The following BTBD8 variants were observed in gnomAD, a reference collection of about 807,000 sequenced individuals.
BTBD8 encodes BTB/POZ domain-containing protein 8.
Under a neutral mutation model 162.9 loss-of-function variants are expected in BTBD8, and 110 were observed. The ratio of observed to expected loss-of-function variants is 0.68; its 90% CI spans 0.58 to 0.79. The LOEUF is 0.79. Among genes scored for constraint, BTBD8 ranks in the 30% least tolerant of loss-of-function variants. The probability of loss-of-function intolerance (pLI) is 0.00; values close to 1 mark genes in which losing one functional copy is unlikely to be tolerated. For missense variants in BTBD8, 1,905 were observed against 2,085.4 expected (o/e 0.91, Z 1.68); for synonymous variants, 667 against 716.1 (o/e 0.93, Z 1.10).
chr1:92,184,203 T>C lies in BTBD8; in HGVS notation c.5252T>C (p.Leu1751Ser), dbSNP rs992476525. ...CAGGGTATAACACATATTGACACTTTGAACAGATGGAGTGAACTAACATCT... is the reference window on the plus strand; with the variant it reads ...CAGGGTATAACACATATTGACACTTCGAACAGATGGAGTGAACTAACATCT... ...KPQGITHIDTLNRWSELTSPL... is the reference protein window; with the variant it reads ...KPQGITHIDTSNRWSELTSPL... Residue 1751 changes from leucine to serine, a missense_variant, in exon 18 of 18, where the codon TTG becomes TCG. Transcript: ENST00000636805. 1.3e-6 allele frequency: 2 copies of C among 1,551,598 alleles called. No homozygotes were observed. Among genetic ancestry groups the C allele is most frequent in the South Asian group, 2.4e-5 (2 of 84,062 alleles).
rs1439020960 is a variant in BTBD8 at position 92,126,407 on chromosome 1, G to C, written c.663-3280G>C. ...CTAGATTTGAATGTGCTCTTGCCCAGGCTCAGACCTCCTCAAACGAAACAT... is the reference window on the plus strand; with the variant it reads ...CTAGATTTGAATGTGCTCTTGCCCACGCTCAGACCTCCTCAAACGAAACAT... On this transcript the variant is annotated intron_variant, in intron 4 of 17. Transcript: ENST00000636805. The C allele has an allele frequency of 4.6e-6, 4 of 870,708 alleles. No homozygotes were observed. In the East Asian group the frequency reaches 1.6e-4, roughly 35 times the overall value. The allele number at this position is 870,708 out of a possible 1,614,324, so 53.9% of individuals were successfully genotyped here.
intron 1 of BTBD8, among the ~76,000 whole-genome samples, chr1:92,084,643 T>C (rs1648104982): frequency 6.6e-6 from 1 of 152,192 alleles, no homozygotes; most frequent in South Asian, 2.1e-4. Context: ...GTGGATATCT[T>C]GTCCAGCCTG....
intron 4 of BTBD8, among the ~76,000 whole-genome samples, chr1:92,117,351 A>G (rs991068566): frequency 1.5e-4 from 13 of 87,738 alleles, no homozygotes; most frequent in African/African-American, 5.3e-4. Context: ...AAGATTATTA[A>G]AGGTTTTTTT....
At chr1:92,150,923 C>T (rs980924187) in intron 9 of BTBD8, 3 of 152,060 alleles carry the variant, frequency 2.0e-5, no homozygotes, top group African/African-American at 7.2e-5. Context: ...CACGAACCTC[C>T]TATGTATATA....
rs758171559 is a variant in BTBD8, at chr1:92,147,216, C to T, written c.967C>T (p.Leu323=). The change falls in exon 8 of 18, where the codon CTG becomes TTG. Residue 323 remains leucine (L), a synonymous_variant. Transcript: ENST00000636805. ...AACATTGACGTCTATACTAGAATGCCTGATTATTGCTCATTCAGTTGGAGT... is the reference window on the plus strand; with the variant it reads ...AACATTGACGTCTATACTAGAATGCTTGATTATTGCTCATTCAGTTGGAGT... ...PRTLTSILEC[L]IIAHSVGVES... 7 of 1,611,796 alleles carry T rather than the reference C, an allele frequency of 4.3e-6. No individual in the cohort carries two copies. The highest frequency in any genetic ancestry group is 5.9e-6 in the Non-Finnish European group (7 of 1,178,926).
At chr1:92,120,823 C>G (rs892843034) in intron 4 of BTBD8, among the ~76,000 whole-genome samples, 1 of 152,168 alleles carries the variant, frequency 6.6e-6, no homozygotes, top group African/African-American at 2.4e-5. Flanking sequence ...GATTTAGTGG[C>G]AGGATCTCAG....
chr1:92,088,649 G>C, intron 1 of BTBD8, 49 bp from the exon 2 acceptor site: 1 of 1,393,836 alleles, frequency 7.2e-7, no homozygotes, highest in Non-Finnish European at 9.6e-7. Context: ...ATATGTATAC[G>C]TTTTTTAGTA....
chr1:92,177,630 T>G, intron 14 of BTBD8, 84 bp downstream of exon 14: 2 of 974,254 alleles, frequency 2.1e-6, no homozygotes, highest in Non-Finnish European at 3.0e-6. Context: ...GTATTTGGGC[T>G]TTTATTTAGT....
rs111775437 is a variant in BTBD8 at position 92,153,114 on chromosome 1, G to A, written c.1122+5328G>A. On this transcript the variant is annotated intron_variant, in intron 9 of 17. Coordinates refer to ENST00000636805, the MANE Select transcript of BTBD8 (RefSeq NM_001376131.1). ...TTAGAAAATCTTATAATAGGTACAT[G>A]CAATATTAATAGTGTTTTTTTTAAA... Among the ~76,000 whole-genome samples the A allele has an allele frequency of 8.8e-3, 1,154 of 131,298 alleles. 12 individuals are homozygous for A. Among genetic ancestry groups the A allele is most frequent in the African/African-American group, 0.03 (1,079 of 35,884 alleles). 86.1% of individuals were successfully genotyped at this position (131,298 alleles called of 152,430 possible).
chr1:92,167,438 T>C (rs1431180428), intron 10 of BTBD8, among the ~76,000 whole-genome samples: 2 of 152,222 alleles, frequency 1.3e-5, no homozygotes, highest in African/African-American at 4.8e-5. Flanking sequence ...ATAAAGGTAC[T>C]GTTTTGGCCA....
intron 8 of BTBD8, 55 bp from the exon 9 acceptor site, chr1:92,147,629 A>C: frequency 7.1e-7 from 1 of 1,417,318 alleles, no homozygotes; most frequent in South Asian, 1.2e-5. Flanking sequence ...AATATTGACT[A>C]TTATAATGAA....
rs1456028041 is a variant in BTBD8 at position 92,147,244 on chromosome 1, A to G, written c.995A>G (p.Glu332Gly). Reference protein sequence around the residue: ...CLIIAHSVGVESLFADCMKWI... With the variant: ...CLIIAHSVGVGSLFADCMKWI... ...ATTATTGCTCATTCAGTTGGAGTGG[A>G]AAGTCTTTTTGCTGACTGCATGAAG... is the stretch of plus-strand genomic sequence containing the variant. Residue 332 changes from glutamate (E) to glycine (G), a missense_variant, in exon 8 of 18, where the codon GAA becomes GGA. Physicochemically the swap from Glu to Gly is moderately conservative, Grantham distance 98 (BLOSUM62 -2). Transcript: ENST00000636805. The G allele has an allele frequency of 1.4e-5, 23 of 1,611,720 alleles. No homozygotes were observed. The highest frequency in any genetic ancestry group is 2.0e-5 in the Non-Finnish European group (23 of 1,178,746).
chr1:92,083,644 T>C (rs923929080), intron 1 of BTBD8, among the ~76,000 whole-genome samples: 6 of 152,126 alleles, frequency 3.9e-5, no homozygotes, highest in African/African-American at 1.4e-4. Flanking sequence ...CAGTGAAATG[T>C]TTGTGATGTA....
chr1:92,181,796 T>A lies in BTBD8; in HGVS notation c.4113T>A (p.Phe1371Leu), dbSNP rs1270120443. The change falls in exon 17 of 18, where the codon TTT (phenylalanine) becomes TTA (leucine). Residue 1371 changes from phenylalanine (F) to leucine (L), a missense_variant. By Grantham distance (22) the Phe-to-Leu change is conservative. This residue lies in a region of BTBD8 where 517 missense variants were observed against 606.6 expected (regional missense o/e 0.85). Coordinates refer to ENST00000636805, the MANE Select transcript of BTBD8 (RefSeq NM_001376131.1). ...ATATTCCACGAGGCAGTGTCCAGTTTGCTCAGGAAATAGATCAGGTATCTT... is the reference window on the plus strand; with the variant it reads ...ATATTCCACGAGGCAGTGTCCAGTTAGCTCAGGAAATAGATCAGGTATCTT... Reference protein sequence around the residue: ...RENIPRGSVQFAQEIDQVSSS... With the variant: ...RENIPRGSVQLAQEIDQVSSS... 1 of 1,551,212 alleles carries A rather than the reference T, an allele frequency of 6.4e-7. No homozygotes were observed. The highest frequency in any genetic ancestry group is 1.2e-5 in the South Asian group (1 of 84,050).
chr1:92,117,382 T>C (rs934822099), intron 4 of BTBD8, among the ~76,000 whole-genome samples: 5 of 152,000 alleles, frequency 3.3e-5, no homozygotes, highest in Non-Finnish European at 7.4e-5. Flanking sequence ...ATTTAAGTTA[T>C]TGTGGATCAG....
At chr1:92,145,468 T>C (rs1053737956) in intron 7 of BTBD8, among the ~76,000 whole-genome samples, 1 of 152,158 alleles carries the variant, frequency 6.6e-6, no homozygotes, top group African/African-American at 2.4e-5. Context: ...GATATACAAA[T>C]TGGCTGTTTG....
chr1:92,116,422 G>A (rs973941257), intron 4 of BTBD8, among the ~76,000 whole-genome samples: 1 of 151,934 alleles, frequency 6.6e-6, no homozygotes, highest in Non-Finnish European at 1.5e-5. Context: ...AATTACTGAT[G>A]GAGTATTGAA....
rs761861700 is a variant in BTBD8 at position 92,183,915 on chromosome 1, G to A, written c.4964G>A (p.Arg1655Gln). 32 of 1,551,010 alleles carry A rather than the reference G, an allele frequency of 2.1e-5. No individual in the cohort carries two copies. The highest frequency in any genetic ancestry group is 1.8e-4 in the Middle Eastern group (1 of 5,696). The change falls in exon 18 of 18, where the codon CGG becomes CAG. Residue 1655 changes from arginine to glutamine, a missense_variant. Arg to Gln is a conservative substitution (Grantham distance 43). Coordinates refer to ENST00000636805, the MANE Select transcript of BTBD8 (RefSeq NM_001376131.1). ...GCACAAACCCGCATGTATGACCATCGGCCTTCAAAAACCCTGTCTCCAATA... is the reference window on the plus strand; with the variant it reads ...GCACAAACCCGCATGTATGACCATCAGCCTTCAAAAACCCTGTCTCCAATA... Reference protein sequence around the residue: ...TLAQTRMYDHRPSKTLSPIYE... With the variant: ...TLAQTRMYDHQPSKTLSPIYE...
intron 2 of BTBD8, among the ~76,000 whole-genome samples, chr1:92,096,326 A>G (rs185948892): frequency 5.8e-4 from 88 of 152,148 alleles, no homozygotes; most frequent in Admixed American, 2.0e-3. Flanking sequence ...ACTCAGCTTA[A>G]ATGCCTTTCA....
Sources: gnomAD v4.1 joint callset for allele counts (sites outside exome capture counted in the v4.1 genomes callset) on GRCh38, gnomAD v4.1.1 for gene constraint, gnomAD v4.1.1 regional missense constraint, MANE v1.5 for transcripts, NCBI Gene and HGNC (gene_info 2026-07-23, HGNC 2026-07-21) for gene names.